Variants in POFUT3 observed in about 807,000 individuals in gnomAD.
POFUT3 encodes the protein GDP-fucose protein O-fucosyltransferase 3.
chr8:33,388,081 T>C, the POFUT3 span, among the ~76,000 whole-genome samples: 1 of 152,322 alleles, frequency 6.6e-6, no homozygotes, highest in Admixed American at 6.5e-5. Flanking sequence ...AAGAAGTTCA[T>C]AACAATTTAA....
chr8:33,308,368 T>C, the POFUT3 span, among the ~76,000 whole-genome samples: 2 of 152,212 alleles, frequency 1.3e-5, no homozygotes, highest in Non-Finnish European at 1.5e-5. Context: ...GTTCCAGTCC[T>C]ATTCTGTCTC....
At chr8:33,376,970 C>T in the POFUT3 span, among the ~76,000 whole-genome samples, 2 of 152,182 alleles carry the variant, frequency 1.3e-5, no homozygotes, top group Non-Finnish European at 2.9e-5. Context: ...GGCACATTGG[C>T]TCACACCTGT....
chr8:33,450,867 AG>A, the POFUT3 span, among the ~76,000 whole-genome samples: 1 of 152,152 alleles, frequency 6.6e-6, no homozygotes, highest in Admixed American at 6.5e-5. Flanking sequence ...GTCCCAAAAA[AG>A]TCACCAAGTT....
At chr8:33,392,143 T>A in the POFUT3 span, among the ~76,000 whole-genome samples, 1 of 152,198 alleles carries the variant, frequency 6.6e-6, no homozygotes, top group Non-Finnish European at 1.5e-5. Flanking sequence ...TATAAAAGCA[T>A]TTCCTGGTAA....
At chr8:33,452,687 AACAC>A in the POFUT3 span, 68,851 of 148,276 alleles carry the variant, frequency 0.46, 15,916 homozygotes, top group African/African-American at 0.54. Context: ...TTGTTACACA[AACAC>A]ACACACACAC....
chr8:33,449,929 G>A, the POFUT3 span, among the ~76,000 whole-genome samples: 49 of 133,180 alleles, frequency 3.7e-4, 1 homozygote, highest in Non-Finnish European at 3.7e-4. Context: ...GGGTTATGAA[G>A]CTTTTCTTTT....
At chr8:33,447,843 A>G in the POFUT3 span, among the ~76,000 whole-genome samples, 2 of 152,206 alleles carry the variant, frequency 1.3e-5, no homozygotes, top group African/African-American at 4.8e-5. Context: ...CTGCTGCCCC[A>G]GAATCCCATT....
At chr8:33,334,371 C>T in the POFUT3 span, among the ~76,000 whole-genome samples, 2 of 152,150 alleles carry the variant, frequency 1.3e-5, no homozygotes, top group African/African-American at 2.4e-5. Flanking sequence ...GCATGCGCCA[C>T]CACACTCGGC....
At chr8:33,350,413 G>C in the POFUT3 span, among the ~76,000 whole-genome samples, 1 of 152,104 alleles carries the variant, frequency 6.6e-6, no homozygotes, top group Non-Finnish European at 1.5e-5. Flanking sequence ...ACACCCTAAG[G>C]GACAAGGATG....
chr8:33,411,365 A>G, the POFUT3 span, among the ~76,000 whole-genome samples: 1 of 152,342 alleles, frequency 6.6e-6, no homozygotes, highest in East Asian at 1.9e-4. Flanking sequence ...TCCCTAGCAG[A>G]CCTGCTGAAA....
At chr8:33,374,524 C>T in the POFUT3 span, among the ~76,000 whole-genome samples, 1 of 152,138 alleles carries the variant, frequency 6.6e-6, no homozygotes, top group Non-Finnish European at 1.5e-5. Flanking sequence ...GATCCTAGCG[C>T]AGACAGAGGA....
chr8:33,464,483 A>C, the POFUT3 span, among the ~76,000 whole-genome samples: 1 of 152,220 alleles, frequency 6.6e-6, no homozygotes, highest in Admixed American at 6.6e-5. Flanking sequence ...TCTGAAGTGC[A>C]CACATTCCTT....
chr8:33,470,957 T>C, the POFUT3 span, among the ~76,000 whole-genome samples: 1 of 143,758 alleles, frequency 7.0e-6, no homozygotes, highest in African/African-American at 2.5e-5. Flanking sequence ...TTTCCGGAAA[T>C]TTTTTTTTTA....
At chr8:33,394,488 T>G in the POFUT3 span, among the ~76,000 whole-genome samples, 1 of 152,162 alleles carries the variant, frequency 6.6e-6, no homozygotes, top group Non-Finnish European at 1.5e-5. Flanking sequence ...GACCTGCCAC[T>G]TAGCAACACT....
At chr8:33,419,061 C>A in the POFUT3 span, among the ~76,000 whole-genome samples, 3 of 151,714 alleles carry the variant, frequency 2.0e-5, no homozygotes, top group Middle Eastern at 3.4e-3. Flanking sequence ...TGGTAGCTAC[C>A]AGAGGCTGGG....
chr8:33,433,634 A>T, the POFUT3 span, among the ~76,000 whole-genome samples: 8 of 150,984 alleles, frequency 5.3e-5, no homozygotes, highest in East Asian at 1.6e-3. Context: ...AAATTGAAAA[A>T]CTAGCCAGGC....
At chr8:33,469,803 C>CTTTTTTT in the POFUT3 span, among the ~76,000 whole-genome samples, 511 of 108,618 alleles carry the variant, frequency 4.7e-3, 28 homozygotes, top group Middle Eastern at 0.024. Context: ...TTTACTTTTT[C>CTTTTTTT]TTTTTTTTTT....
chr8:33,387,381 GC>G, the POFUT3 span, among the ~76,000 whole-genome samples: 1 of 152,094 alleles, frequency 6.6e-6, no homozygotes. Flanking sequence ...GTATCTGAGA[GC>G]CCCATATGGT....
At chr8:33,421,485 C>T in the POFUT3 span, among the ~76,000 whole-genome samples, 7 of 152,198 alleles carry the variant, frequency 4.6e-5, no homozygotes, top group Non-Finnish European at 8.8e-5. Flanking sequence ...TAGGATGGTT[C>T]GTTATGGATT....
Sources: gnomAD v4.1 joint callset for allele counts (sites outside exome capture counted in the v4.1 genomes callset) on GRCh38, gnomAD v4.1.1 for gene constraint, MANE v1.5 for transcripts, NCBI Gene and HGNC (gene_info 2026-07-23, HGNC 2026-07-21) for gene names.